LOXHD1: variants seen among roughly 807,000 people sequenced by gnomAD.
LOXHD1 encodes lipoxygenase homology domain-containing protein 1.
In LOXHD1, 205 loss-of-function variants were observed where a neutral mutation model predicts 248.2. The ratio of observed to expected loss-of-function variants is 0.83; its 90% CI spans 0.74 to 0.93. The LOEUF is 0.93. Ranked by LOEUF, LOXHD1 falls within the 40% of genes least tolerant of loss-of-function variation. The pLI is 0.00. For missense variants in LOXHD1, 2,930 were observed against 2,971.6 expected (o/e 0.99, Z 0.33); for synonymous variants, 1,113 against 1,162.8 (o/e 0.96, Z 0.87).
At chr18:46,603,516 T>C (rs1252679303) in intron 7 of LOXHD1, among the ~76,000 whole-genome samples, 10 of 152,166 alleles carry the variant, frequency 6.6e-5, no homozygotes, top group Non-Finnish European at 1.5e-4. Flanking sequence ...GTTGATTTTC[T>C]AGAACATGCA....
intron 8 of LOXHD1, 144 bp downstream of exon 8, chr18:46,601,073 C>A: frequency 2.6e-6 from 3 of 1,152,906 alleles, no homozygotes; most frequent in Non-Finnish European, 3.6e-6. Flanking sequence ...GGACACGTAA[C>A]CACCCAAAAT....
In LOXHD1 at chr18:46,489,160, TG is replaced by T; in HGVS notation, c.5879-19del. The T allele has an allele frequency of 6.4e-7, 1 of 1,551,536 alleles. No individual in the cohort carries two copies. The highest frequency in any genetic ancestry group is 1.2e-5 in the South Asian group (1 of 84,048). On this transcript the variant is annotated intron_variant, in intron 37 of 40. Coordinates refer to ENST00000642948, the MANE Select transcript of LOXHD1 (RefSeq NM_001384474.1). ...AAATATCCCTGTGGAAAAGACACCATGGGGGTTGGAAGCTGGATGTGCCTTC... is the reference window on the plus strand; with the variant it reads ...AAATATCCCTGTGGAAAAGACACCATGGGGTTGGAAGCTGGATGTGCCTTC...
intron 20 of LOXHD1, chr18:46,557,934 T>C (rs1180394536): frequency 9.6e-7 from 1 of 1,044,780 alleles, no homozygotes; most frequent in Non-Finnish European, 1.2e-6. Context: ...AAATCCAAAG[T>C]GACTGTCAGA....
chr18:46,524,130 G>A (rs2035711964), intron 31 of LOXHD1, among the ~76,000 whole-genome samples: 1 of 152,116 alleles, frequency 6.6e-6, no homozygotes, highest in East Asian at 1.9e-4. Context: ...ACCATCTCAG[G>A]ACTTCTTCCC....
intron 29 of LOXHD1, among the ~76,000 whole-genome samples, chr18:46,527,527 T>C (rs2035879580): frequency 6.6e-6 from 1 of 152,232 alleles, no homozygotes; most frequent in African/African-American, 2.4e-5. Context: ...AGATGTTAAG[T>C]AACTTGTCTA....
intron 13 of LOXHD1, 83 bp downstream of exon 13, chr18:46,579,547 C>A (rs2037922259): frequency 4.6e-6 from 7 of 1,532,474 alleles, no homozygotes; most frequent in Non-Finnish European, 5.3e-6. Context: ...ATCAGCTCAA[C>A]TTTAACAGGG....
intron 1 of LOXHD1, among the ~76,000 whole-genome samples, chr18:46,656,524 C>G (rs1316843320): frequency 1.3e-5 from 2 of 152,194 alleles, no homozygotes; most frequent in Admixed American, 6.5e-5. Context: ...CCCAAGACAT[C>G]CTTTCATGAC....
chr18:46,619,516 GATA>G (rs1206395156), intron 4 of LOXHD1, among the ~76,000 whole-genome samples: 3 of 152,178 alleles, frequency 2.0e-5, no homozygotes, highest in Non-Finnish European at 4.4e-5. Context: ...CCTTCTCCTA[GATA>G]ATCTCTCCCA....
At chr18:46,501,356 T>C (rs1457861207) in intron 37 of LOXHD1, among the ~76,000 whole-genome samples, 2 of 152,216 alleles carry the variant, frequency 1.3e-5, no homozygotes, top group Non-Finnish European at 2.9e-5. Flanking sequence ...GTCTATTTAG[T>C]GCCATGTTTT....
rs141526066 is a variant in LOXHD1 at position 46,645,194 on chromosome 18, G to T, written c.246-3158C>A. Among the ~76,000 whole-genome samples the T allele has an allele frequency of 4.2e-3, 635 of 152,310 alleles. 11 individuals carry two copies. The East Asian group carries it at 0.046, about 11-fold the overall frequency. On this transcript the variant is annotated intron_variant, in intron 2 of 40. Transcript: ENST00000642948. ...AAATGCCTGTGGGTTTCAGAAAACT[G>T]GGGGTAGGAAAGAAATAGAAAGGAG...
chr18:46,656,154 G>A (rs1360960091), intron 1 of LOXHD1, among the ~76,000 whole-genome samples: 1 of 152,204 alleles, frequency 6.6e-6, no homozygotes, highest in African/African-American at 2.4e-5. Context: ...GAGTAAACCA[G>A]ACCTAGTATG....
intron 16 of LOXHD1, among the ~76,000 whole-genome samples, chr18:46,568,214 C>T (rs1246916709): frequency 1.3e-5 from 2 of 152,104 alleles, no homozygotes; most frequent in African/African-American, 2.4e-5. Context: ...AGGTAGAGGG[C>T]TTGTTACCAT....
intron 4 of LOXHD1, among the ~76,000 whole-genome samples, chr18:46,637,516 G>T (rs1222370160): frequency 6.6e-6 from 1 of 152,118 alleles, no homozygotes; most frequent in East Asian, 1.9e-4. Flanking sequence ...GTTGGATAAA[G>T]AATTAAAGAT....
intron 18 of LOXHD1, among the ~76,000 whole-genome samples, chr18:46,560,800 C>A (rs528648812): frequency 1.3e-5 from 2 of 152,062 alleles, no homozygotes; most frequent in African/African-American, 2.4e-5. Context: ...GCAAGCTGGT[C>A]TCCCTCTTCT....
intron 4 of LOXHD1, among the ~76,000 whole-genome samples, chr18:46,626,989 G>A (rs7506414): frequency 0.086 from 13,101 of 152,198 alleles, 628 homozygotes; most frequent in East Asian, 0.14. Flanking sequence ...ATCAGCTATT[G>A]TCATCTTTGA....
intron 23 of LOXHD1, chr18:46,545,042 A>T: frequency 2.1e-6 from 1 of 483,654 alleles, no homozygotes; most frequent in Non-Finnish European, 3.9e-6. Flanking sequence ...ATCATGGCTG[A>T]ATTTCATTGA....
intron 5 of LOXHD1, among the ~76,000 whole-genome samples, chr18:46,611,181 T>G (rs1192485393): frequency 1.3e-5 from 2 of 152,164 alleles, no homozygotes; most frequent in African/African-American, 4.8e-5. Context: ...CTAAACCGAT[T>G]TGTACCCCCA....
Position 46,657,013 on chromosome 18 carries a change from C to T in LOXHD1, c.21G>A (p.Arg7=), listed in dbSNP as rs2144418277. 6.4e-7 allele frequency: 1 copy of T among 1,551,704 alleles called. No homozygotes were observed. The highest frequency in any genetic ancestry group is 8.7e-7 in the Non-Finnish European group (1 of 1,146,968). ...GGAAGTCGATGTCCTTCTTCCTCCG[C>T]CTTTTCTTCTGGGGCATCATTCTGT... MMPQKK[R]RRKKDIDFLA... Residue 7 remains arginine, a synonymous_variant, in exon 1 of 41, where the codon AGG becomes AGA. Transcript: ENST00000642948.
chr18:46,548,754 G>T (rs1205598298), intron 21 of LOXHD1, among the ~76,000 whole-genome samples: 1 of 152,114 alleles, frequency 6.6e-6, no homozygotes, highest in Non-Finnish European at 1.5e-5. Context: ...GACAGAACGA[G>T]ACACACACAA....
Sources: gnomAD v4.1 joint callset for allele counts (sites outside exome capture counted in the v4.1 genomes callset) on GRCh38, gnomAD v4.1.1 for gene constraint, MANE v1.5 for transcripts, NCBI Gene and HGNC (gene_info 2026-07-23, HGNC 2026-07-21) for gene names.